The following SLC25A16 variants were observed in gnomAD, a reference collection of about 807,000 sequenced individuals.
The protein encoded by SLC25A16 is solute carrier family 25 member 16, also known as mitochondrial coenzyme A transporter SLC25A16.
A neutral mutation model predicts 41.5 loss-of-function variants in SLC25A16; 39 were observed. That is an observed-to-expected ratio of 0.94 (90% CI 0.73 to 1.23). The LOEUF (loss-of-function observed/expected upper bound fraction) is 1.23, where lower values mean the gene tolerates loss of function less well. SLC25A16 is among the 50% of genes most tolerant of loss of function. SLC25A16 has a pLI of 0.00. For missense variants in SLC25A16, 421 were observed against 426.9 expected (o/e 0.99, Z 0.12); for synonymous variants, 146 against 147.8 (o/e 0.99, Z 0.09).
chr10:68,514,421 G>A (rs578193550), intron 2 of SLC25A16, among the ~76,000 whole-genome samples: 4 of 152,110 alleles, frequency 2.6e-5, no homozygotes, highest in East Asian at 3.9e-4. Context: ...ACTTGAACCC[G>A]GAAGGCGGAG....
intron 2 of SLC25A16, among the ~76,000 whole-genome samples, chr10:68,510,909 G>T (rs1231813918): frequency 6.6e-6 from 1 of 151,944 alleles, no homozygotes; most frequent in Non-Finnish European, 1.5e-5. Flanking sequence ...CAAAAAGTGG[G>T]GAGGTACCTG....
chr10:68,527,449 C>G lies in SLC25A16; in HGVS notation c.-74G>C. ...CGGACGGGACCATAGCCGGAACAGG[C>G]GGTGACAGGAGGCTGACCGCCCCGC... On this transcript the variant is annotated 5_prime_UTR_variant, in exon 1 of 9. Transcript: ENST00000609923. 7.3e-7 allele frequency: 1 copy of G among 1,372,676 alleles called. No individual in the cohort carries two copies. The highest frequency in any genetic ancestry group is 9.4e-7 in the Non-Finnish European group (1 of 1,062,632). 85.0% of individuals were successfully genotyped at this position (1,372,676 alleles called of 1,614,324 possible). A position where few individuals can be genotyped will look rare whatever the true frequency, so the allele number is the denominator to read the frequency against.
At chr10:68,526,391 T>C (rs1363272620) in intron 1 of SLC25A16, among the ~76,000 whole-genome samples, 2 of 152,216 alleles carry the variant, frequency 1.3e-5, no homozygotes, top group African/African-American at 4.8e-5. Context: ...GTTTGTCTGC[T>C]GACCCTCTCC....
chr10:68,505,602 G>T lies in SLC25A16; in HGVS notation c.357+983C>A, dbSNP rs571095977. Among the ~76,000 whole-genome samples the T allele has an allele frequency of 9.9e-5, 15 of 151,808 alleles. No homozygotes were observed. The East Asian group carries it at 2.9e-3, about 29-fold the overall frequency. On this transcript the variant is annotated intron_variant, in intron 3 of 8. Coordinates refer to ENST00000609923, the MANE Select transcript of SLC25A16 (RefSeq NM_152707.4). ...AGCCTGACCAACATGGTGAAACCCC[G>T]CCTCTACTAAAAATACAAAATTAGC...
At chr10:68,507,996 C>T (rs1169241815) in intron 2 of SLC25A16, among the ~76,000 whole-genome samples, 2 of 152,056 alleles carry the variant, frequency 1.3e-5, no homozygotes, top group African/African-American at 4.8e-5. Flanking sequence ...TTTGGGAGGA[C>T]AAGGCAGGTG....
chr10:68,500,621 T>C (rs184494124), intron 4 of SLC25A16, among the ~76,000 whole-genome samples: 46 of 151,502 alleles, frequency 3.0e-4, no homozygotes, highest in African/African-American at 1.1e-3. Flanking sequence ...AATTAAATTT[T>C]TAACAGGAGG....
intron 4 of SLC25A16, among the ~76,000 whole-genome samples, chr10:68,499,301 G>A (rs1212454746): frequency 1.3e-5 from 2 of 152,216 alleles, no homozygotes; most frequent in African/African-American, 4.8e-5. Flanking sequence ...GCAAGTAGGA[G>A]CAGACCAAAG....
At chr10:68,497,665 G>A (rs2052772734) in intron 4 of SLC25A16, among the ~76,000 whole-genome samples, 1 of 148,182 alleles carries the variant, frequency 6.7e-6, no homozygotes, top group Non-Finnish European at 1.5e-5. Context: ...TACCCAAGCT[G>A]GAACGCTGTG....
intron 2 of SLC25A16, among the ~76,000 whole-genome samples, chr10:68,509,232 G>A (rs2053011817): frequency 6.6e-6 from 1 of 151,778 alleles, no homozygotes; most frequent in East Asian, 1.9e-4. Flanking sequence ...AGCTACGAGG[G>A]AGGGTGAAGC....
At chr10:68,516,875 T>C in intron 1 of SLC25A16, 32 bp from the exon 2 acceptor site, 2 of 1,470,644 alleles carry the variant, frequency 1.4e-6, no homozygotes, top group Non-Finnish European at 1.9e-6. Context: ...AGGAAGAAAT[T>C]GCGTACCATT....
chr10:68,509,719 ATATC>A (rs547512501), intron 2 of SLC25A16, among the ~76,000 whole-genome samples: 6,563 of 143,254 alleles, frequency 0.046, 195 homozygotes, highest in Middle Eastern at 0.095. Context: ...AAAAATCTAT[ATATC>A]TATCTATCTA....
At chr10:68,496,373 T>A (rs1179414795) in intron 4 of SLC25A16, 6 of 446,530 alleles carry the variant, frequency 1.3e-5, no homozygotes, top group Non-Finnish European at 1.8e-5. Flanking sequence ...ACCTAACACT[T>A]CTTTTAAGAA....
At chr10:68,514,870 T>TACAGGTGCCTGCCACCTGCCG (rs1436786041) in intron 2 of SLC25A16, among the ~76,000 whole-genome samples, 1 of 151,746 alleles carries the variant, frequency 6.6e-6, no homozygotes, top group Non-Finnish European at 1.5e-5. Context: ...CCCGAGTAAC[T>TACAGGTGCCTGCCACCTGCCG]AGGATTACAG....
rs16925427 is a variant in SLC25A16, at chr10:68,482,394, A to G, written c.*1038T>C. The G allele has an allele frequency of 8.6e-3, 1,312 of 152,710 alleles. 22 individuals are homozygous for G. The East Asian group carries it at 0.087, about 10-fold the overall frequency. 9.5% of individuals were successfully genotyped at this position (152,710 alleles called of 1,614,324 possible). Reference sequence around the variant, plus strand: ...TTCTTAATATAAAGGATAACAATTCAAATCATATTTTACATTTCTACGTCT... The same window carrying G: ...TTCTTAATATAAAGGATAACAATTCGAATCATATTTTACATTTCTACGTCT... On this transcript the variant is annotated 3_prime_UTR_variant, in exon 9 of 9. Coordinates refer to ENST00000609923, the MANE Select transcript of SLC25A16 (RefSeq NM_152707.4).
chr10:68,502,393 G>A (rs915491806), intron 4 of SLC25A16, among the ~76,000 whole-genome samples: 8 of 151,768 alleles, frequency 5.3e-5, no homozygotes, highest in Admixed American at 3.3e-4. Context: ...TCATAGAACC[G>A]AAGGTCAAAT....
Position 68,527,494 on chromosome 10 carries a change from C to A in SLC25A16, c.-119G>T. On this transcript the variant is annotated 5_prime_UTR_variant, in exon 1 of 9. Coordinates refer to ENST00000609923, the MANE Select transcript of SLC25A16 (RefSeq NM_152707.4). ...CCCCGCCGGCGGGGCAAAGTAACACCCGGCGGCGCGGCGCCGGCTGATGGC... is the reference window on the plus strand; with the variant it reads ...CCCCGCCGGCGGGGCAAAGTAACACACGGCGGCGCGGCGCCGGCTGATGGC... 1.0e-6 allele frequency: 1 copy of A among 997,528 alleles called. No individual in the cohort carries two copies. 61.8% of individuals were successfully genotyped at this position (997,528 alleles called of 1,614,324 possible). A position where few individuals can be genotyped will look rare whatever the true frequency, so the allele number is the denominator to read the frequency against.
At position 68,483,215 on chromosome 10, in the gene SLC25A16, AT is replaced by A. The variant is rs1350942464; in HGVS notation, c.*216del. ...GTTTAGCCAGCATCAGCTTAGGAAT[AT>A]TTTCTTCAATGTTCTAAGGTATAAT... is the stretch of plus-strand genomic sequence containing the variant. On this transcript the variant is annotated 3_prime_UTR_variant, in exon 9 of 9. Transcript: ENST00000609923. The A allele has an allele frequency of 7.4e-5, 28 of 380,108 alleles. No homozygotes were observed. The highest frequency in any genetic ancestry group is 5.6e-4 in the African/African-American group (27 of 48,620). 23.5% of individuals were successfully genotyped at this position (380,108 alleles called of 1,614,324 possible). A position where few individuals can be genotyped will look rare whatever the true frequency, so the allele number is the denominator to read the frequency against.
At position 68,483,490 on chromosome 10, in the gene SLC25A16, G is replaced by C; in HGVS notation, c.941C>G (p.Ser314Cys). 2.5e-6 allele frequency: 4 copies of C among 1,612,676 alleles called. No individual in the cohort carries two copies. The highest frequency in any genetic ancestry group is 2.5e-6 in the Non-Finnish European group (3 of 1,179,506). Residue 314 changes from serine (S) to cysteine (C), a missense_variant, in exon 9 of 9, where the codon TCT (serine) becomes TGT (cysteine). Coordinates refer to ENST00000609923, the MANE Select transcript of SLC25A16 (RefSeq NM_152707.4). ...GTATGTTGTAAAAGCCACTGCTTGA[G>C]AGGGAATACAGCGAATGTAATTAAG... is the stretch of plus-strand genomic sequence containing the variant. ...LSLNYIRCIP[S>C]QAVAFTTYEL...
At chr10:68,484,773 C>T (rs936090173) in intron 8 of SLC25A16, among the ~76,000 whole-genome samples, 8 of 152,086 alleles carry the variant, frequency 5.3e-5, no homozygotes, top group African/African-American at 1.7e-4. Flanking sequence ...TGGGTGAACA[C>T]GGCAATCCAA....
Sources: gnomAD v4.1 joint callset for allele counts (sites outside exome capture counted in the v4.1 genomes callset) on GRCh38, gnomAD v4.1.1 for gene constraint, MANE v1.5 for transcripts, NCBI Gene and HGNC (gene_info 2026-07-23, HGNC 2026-07-21) for gene names.